The following PAG1 variants were observed in gnomAD, a reference collection of about 807,000 sequenced individuals.
PAG1 encodes phosphoprotein membrane anchor with glycosphingolipid microdomains 1, also known as phosphoprotein associated with glycosphingolipid-enriched microdomains 1.
In PAG1, 23 loss-of-function variants were observed where a neutral mutation model predicts 31.7. That is an observed-to-expected ratio of 0.73 (90% CI 0.52 to 1.03). The LOEUF (loss-of-function observed/expected upper bound fraction) is 1.03. Ranked by LOEUF, PAG1 falls within the 50% of genes least tolerant of loss-of-function variation. The probability of loss-of-function intolerance (pLI) is 0.00; values close to 1 mark genes in which losing one functional copy is unlikely to be tolerated. For synonymous variants in PAG1, 214 were observed against 210.3 expected (o/e 1.02, Z -0.15); for missense variants, 473 against 540.7 (o/e 0.87, Z 1.24).
chr8:81,025,330 C>A (rs1258112307), intron 3 of PAG1, among the ~76,000 whole-genome samples: 2 of 152,074 alleles, frequency 1.3e-5, no homozygotes, highest in Admixed American at 6.5e-5. Flanking sequence ...TTTTGCTGAA[C>A]CCATGTCTCC....
chr8:81,049,405 A>G (rs1281265905), intron 2 of PAG1, among the ~76,000 whole-genome samples: 1 of 152,246 alleles, frequency 6.6e-6, no homozygotes, highest in African/African-American at 2.4e-5. Context: ...GCAGAAAAAT[A>G]ATGATTTAGT....
chr8:81,059,644 T>C (rs1808886173), intron 2 of PAG1, among the ~76,000 whole-genome samples: 1 of 152,166 alleles, frequency 6.6e-6, no homozygotes, highest in Non-Finnish European at 1.5e-5. Context: ...ATTCATTAGC[T>C]TCTCGAAGGA....
chr8:80,976,648 T>C lies in PAG1; in HGVS notation c.1195A>G (p.Lys399Glu). ...AIQTLNREEE[K>E]ATLGTNGHHG... ...TGGCCATTGGTCCCCAGGGTGGCCT[T>C]TTCTTCCTCTCTGTTGAGAGTCTGT... Residue 399 changes from lysine (K) to glutamate (E), a missense_variant, in exon 9 of 9, where the codon AAG (lysine) becomes GAG (glutamate). Physicochemically the swap from Lys to Glu is moderately conservative, Grantham distance 56 (BLOSUM62 1). Transcript: ENST00000220597. 6.2e-7 allele frequency: 1 copy of C among 1,614,200 alleles called. No homozygotes were observed. The highest frequency in any genetic ancestry group is 2.2e-5 in the East Asian group (1 of 44,886).
intron 2 of PAG1, among the ~76,000 whole-genome samples, chr8:81,054,358 A>T (rs2130890642): frequency 6.6e-6 from 1 of 152,284 alleles, no homozygotes; most frequent in East Asian, 1.9e-4. Context: ...CAAAATGAGG[A>T]TAATGACTCT....
At chr8:81,030,752 C>G (rs1808365971) in intron 2 of PAG1, among the ~76,000 whole-genome samples, 1 of 152,188 alleles carries the variant, frequency 6.6e-6, no homozygotes, top group South Asian at 2.1e-4. Flanking sequence ...TTTTTGGTGC[C>G]TAGCCCTTCC....
chr8:81,036,287 T>C (rs1808461028), intron 2 of PAG1, among the ~76,000 whole-genome samples: 1 of 152,202 alleles, frequency 6.6e-6, no homozygotes, highest in African/African-American at 2.4e-5. Flanking sequence ...TAATCAGTGC[T>C]CTCTGGATAT....
intron 1 of PAG1, among the ~76,000 whole-genome samples, chr8:81,100,688 G>A (rs554280972): frequency 6.6e-6 from 1 of 152,338 alleles, no homozygotes; most frequent in African/African-American, 2.4e-5. Context: ...TGAAGCTAAT[G>A]AGAACATCAA....
intron 1 of PAG1, among the ~76,000 whole-genome samples, chr8:81,093,857 T>C (rs137874091): frequency 6.6e-6 from 1 of 152,346 alleles, no homozygotes; most frequent in East Asian, 1.9e-4. Flanking sequence ...GTGACAATCA[T>C]GGTGTGGTCT....
intron 1 of PAG1, among the ~76,000 whole-genome samples, chr8:81,084,937 G>A (rs943933770): frequency 1.3e-5 from 2 of 152,102 alleles, no homozygotes; most frequent in African/African-American, 4.8e-5. Flanking sequence ...TTTTTTTACA[G>A]TTCAACATGA....
chr8:81,019,973 A>G (rs1808134812), intron 3 of PAG1, among the ~76,000 whole-genome samples: 1 of 152,162 alleles, frequency 6.6e-6, no homozygotes, highest in African/African-American at 2.4e-5. Flanking sequence ...CCCACCTCTT[A>G]TATCAGCATG....
At position 80,969,803 on chromosome 8, in the gene PAG1, C is replaced by T. The variant is rs971970232; in HGVS notation, c.*6741G>A. 6.6e-6 allele frequency: 1 copy of T among 152,218 alleles called. No individual in the cohort carries two copies. The highest frequency in any genetic ancestry group is 2.1e-4 in the South Asian group (1 of 4,830). 9.4% of individuals were successfully genotyped at this position (152,218 alleles called of 1,614,324 possible). ...TACAAAACCAAATGAAACACCCTGG[C>T]TCCTGAAGTATGTAGAAAATGGGAA... On this transcript the variant is annotated 3_prime_UTR_variant, in exon 9 of 9. Transcript: ENST00000220597.
intron 1 of PAG1, among the ~76,000 whole-genome samples, chr8:81,100,681 A>G (rs1416226012): frequency 6.6e-6 from 1 of 152,252 alleles, no homozygotes; most frequent in East Asian, 1.9e-4. Flanking sequence ...TGGCTTCTGA[A>G]GCTAATGAGA....
intron 1 of PAG1, among the ~76,000 whole-genome samples, chr8:81,075,331 A>G (rs1487344928): frequency 6.6e-6 from 1 of 152,252 alleles, no homozygotes; most frequent in Non-Finnish European, 1.5e-5. Context: ...GTATGACATT[A>G]GCATGAAAGA....
intron 1 of PAG1, among the ~76,000 whole-genome samples, chr8:81,084,200 T>C (rs1249079121): frequency 1.3e-5 from 2 of 152,178 alleles, no homozygotes; most frequent in Non-Finnish European, 2.9e-5. Flanking sequence ...ATGAACAATG[T>C]CTAGGAATTT....
chr8:80,994,001 A>C (rs1178027114), intron 3 of PAG1, among the ~76,000 whole-genome samples: 1 of 150,998 alleles, frequency 6.6e-6, no homozygotes, highest in Non-Finnish European at 1.5e-5. Context: ...AGAACAGTAT[A>C]TAACAATTCT....
chr8:81,084,537 A>T (rs1305441381), intron 1 of PAG1, among the ~76,000 whole-genome samples: 2 of 152,158 alleles, frequency 1.3e-5, no homozygotes, highest in South Asian at 4.1e-4. Context: ...ATTTCAAGAA[A>T]ATGAAAGGAA....
At chr8:80,993,008 C>A in intron 4 of PAG1, 95 bp downstream of exon 4, 1 of 1,111,186 alleles carries the variant, frequency 9.0e-7, no homozygotes, top group South Asian at 1.9e-5. Context: ...GGCTCTGTGG[C>A]GGGATTCCAT....
At chr8:81,022,714 A>G (rs1367316372) in intron 3 of PAG1, among the ~76,000 whole-genome samples, 2 of 152,220 alleles carry the variant, frequency 1.3e-5, no homozygotes, top group Non-Finnish European at 2.9e-5. Context: ...AAAAAACAGT[A>G]TAGGGATTTG....
intron 2 of PAG1, among the ~76,000 whole-genome samples, chr8:81,052,739 G>A (rs1808753898): frequency 6.6e-6 from 1 of 152,214 alleles, no homozygotes; most frequent in African/African-American, 2.4e-5. Context: ...CCAAATCCCT[G>A]TGCTACACAA....
Sources: gnomAD v4.1 joint callset for allele counts (sites outside exome capture counted in the v4.1 genomes callset) on GRCh38, gnomAD v4.1.1 for gene constraint, MANE v1.5 for transcripts, NCBI Gene and HGNC (gene_info 2026-07-23, HGNC 2026-07-21) for gene names.